IARS1: variants seen among roughly 807,000 people sequenced by gnomAD.
IARS1 encodes the protein isoleucyl-tRNA synthetase 1.
Under a neutral mutation model 168.2 loss-of-function variants are expected in IARS1, and 124 were observed. The ratio of observed to expected loss-of-function variants is 0.74; its 90% confidence interval spans 0.64 to 0.86. IARS1 has a LOEUF of 0.86. Among genes scored for constraint, IARS1 ranks in the 40% least tolerant of loss-of-function variants. IARS1 has a pLI of 0.00. For missense variants in IARS1, 1,452 were observed against 1,515.8 expected (o/e 0.96, Z 0.70); for synonymous variants, 532 against 529.4 (o/e 1.00, Z -0.07).
chr9:92,256,603 C>A, intron 20 of IARS1, 77 bp downstream of exon 20: 1 of 1,327,950 alleles, frequency 7.5e-7, no homozygotes, highest in Non-Finnish European at 1.0e-6. Context: ...CTCAATATTT[C>A]CACTATTAAA....
At chr9:92,227,855 G>T (rs2133456728) in intron 31 of IARS1, among the ~76,000 whole-genome samples, 1 of 151,936 alleles carries the variant, frequency 6.6e-6, no homozygotes, top group Admixed American at 6.5e-5. Flanking sequence ...TTCCAGACTG[G>T]GCAGCCAGGC....
rs1214505891 is a variant in IARS1, at chr9:92,215,580, A to T, written c.3707-4691T>A. On this transcript the variant is annotated intron_variant, in intron 33 of 33. Coordinates refer to ENST00000443024, the MANE Select transcript of IARS1 (RefSeq NM_002161.6). ...ACCAATACAGAGAAGTGCTTAAAGG[A>T]GCTGATGGAGCTGAAAACCAAGGCT... 2.0e-5 allele frequency among the ~76,000 whole-genome samples: 3 copies of T among 151,618 alleles called. No homozygotes were observed. In the East Asian group the frequency reaches 5.8e-4, roughly 29 times the overall value.
chr9:92,231,997 A>G (rs554777456), intron 30 of IARS1, among the ~76,000 whole-genome samples: 108 of 152,306 alleles, frequency 7.1e-4, no homozygotes, highest in African/African-American at 2.5e-3. Flanking sequence ...CTATGAGTTC[A>G]ACCTATGAAC....
At chr9:92,280,378 C>T (rs1046177555) in intron 7 of IARS1, among the ~76,000 whole-genome samples, 1 of 152,116 alleles carries the variant, frequency 6.6e-6, no homozygotes, top group African/African-American at 2.4e-5. Flanking sequence ...TAACTCTCTA[C>T]CAGGGGACAT....
intron 14 of IARS1, among the ~76,000 whole-genome samples, chr9:92,266,048 A>G (rs1156439209): frequency 6.6e-6 from 1 of 152,056 alleles, no homozygotes; most frequent in Admixed American, 6.5e-5. Context: ...GACACAGCCT[A>G]CTCTTAGTCT....
At chr9:92,215,705 G>A (rs1838556818) in intron 33 of IARS1, among the ~76,000 whole-genome samples, 1 of 151,952 alleles carries the variant, frequency 6.6e-6, no homozygotes, top group African/African-American at 2.4e-5. Flanking sequence ...AATGAAGCGA[G>A]AAGGGAAGTT....
At chr9:92,241,185 A>G (rs1236265801) in intron 29 of IARS1, among the ~76,000 whole-genome samples, 1 of 152,200 alleles carries the variant, frequency 6.6e-6, no homozygotes, top group African/African-American at 2.4e-5. Context: ...AAAAAGTCAA[A>G]TAATTACACA....
intron 16 of IARS1, 65 bp from the exon 17 acceptor site, chr9:92,263,120 G>A (rs1831766852): frequency 1.9e-6 from 2 of 1,073,642 alleles, no homozygotes; most frequent in African/African-American, 1.6e-5. Context: ...GAAAGAAACT[G>A]TATTTATTCA....
intron 1 of IARS1, among the ~76,000 whole-genome samples, chr9:92,290,434 G>T (rs539989722): frequency 6.6e-6 from 1 of 152,218 alleles, no homozygotes; most frequent in Admixed American, 6.5e-5. Context: ...ATACATCCTG[G>T]ATACAAATCC....
At chr9:92,243,493 T>C (rs1828747765) in intron 27 of IARS1, 182 bp from the exon 28 acceptor site, 2 of 504,862 alleles carry the variant, frequency 4.0e-6, no homozygotes, top group Non-Finnish European at 7.2e-6. Context: ...AATCAGCTAG[T>C]CCTCTGTCTC....
At chr9:92,271,166 A>G in intron 11 of IARS1, 90 bp from the exon 12 acceptor site, 1 of 700,600 alleles carries the variant, frequency 1.4e-6, no homozygotes, top group Non-Finnish European at 2.3e-6. Flanking sequence ...TGTTATGAAT[A>G]AAAGGCACAA....
chr9:92,263,123 T>C, intron 16 of IARS1, 68 bp from the exon 17 acceptor site: 1 of 1,056,518 alleles, frequency 9.5e-7, no homozygotes, highest in Non-Finnish European at 1.4e-6. Flanking sequence ...AGAAACTGTA[T>C]TTATTCATTG....
At chr9:92,261,907 C>T (rs920556700) in intron 17 of IARS1, among the ~76,000 whole-genome samples, 1 of 152,046 alleles carries the variant, frequency 6.6e-6, no homozygotes, top group African/African-American at 2.4e-5. Flanking sequence ...TGTGCCACTG[C>T]ACCCACTAAT....
intron 9 of IARS1, among the ~76,000 whole-genome samples, chr9:92,276,698 C>T (rs1833825780): frequency 1.3e-5 from 2 of 152,128 alleles, no homozygotes; most frequent in Non-Finnish European, 2.9e-5. Flanking sequence ...TGGGATGGGA[C>T]GTAAGTGATA....
At chr9:92,275,721 C>A (rs569807418) in intron 9 of IARS1, among the ~76,000 whole-genome samples, 1 of 152,218 alleles carries the variant, frequency 6.6e-6, no homozygotes, top group African/African-American at 2.4e-5. Context: ...TCAGTAGATA[C>A]CAACCACCAG....
intron 14 of IARS1, 132 bp from the exon 15 acceptor site, chr9:92,265,685 C>T (rs542643264): frequency 1.3e-6 from 1 of 740,960 alleles, no homozygotes; most frequent in African/African-American, 1.7e-5. Context: ...GAGATAGGGT[C>T]TCACTACCAT....
At chr9:92,262,599 C>T (rs1415561762) in intron 17 of IARS1, among the ~76,000 whole-genome samples, 1 of 151,922 alleles carries the variant, frequency 6.6e-6, no homozygotes, top group East Asian at 1.9e-4. Context: ...ATCCTGGGCA[C>T]CTGTGGTCTC....
chr9:92,245,141 A>G lies in IARS1; in HGVS notation c.2792-70T>C. 3.4e-6 allele frequency: 4 copies of G among 1,186,014 alleles called. No individual in the cohort carries two copies. In the Admixed American group the frequency reaches 6.8e-5, roughly 20 times the overall value. The allele number at this position is 1,186,014 out of a possible 1,614,324, so 73.5% of individuals were successfully genotyped here. On this transcript the variant is annotated intron_variant, in intron 26 of 33. Transcript: ENST00000443024. ...CAAGCTGCCCCACTACCCGTGTATT[A>G]TGCCCCTTCTTGATTAAAATTTCAC...
chr9:92,286,895 T>A (rs937689306), intron 4 of IARS1, among the ~76,000 whole-genome samples: 1 of 152,194 alleles, frequency 6.6e-6, no homozygotes, highest in African/African-American at 2.4e-5. Flanking sequence ...CAGGCATAAT[T>A]ATTACTGGCA....
Sources: allele counts gnomAD v4.1 joint callset (sites outside exome capture counted in the v4.1 genomes callset), GRCh38; gene constraint gnomAD v4.1.1; transcripts MANE v1.5; gene names NCBI Gene and HGNC (gene_info 2026-07-23, HGNC 2026-07-21).